SMARCA2: variants seen among roughly 807,000 people sequenced by gnomAD.
SMARCA2 encodes SWI/SNF related BAF chromatin remodeling complex subunit ATPase 2.
SMARCA2 carries 61 observed loss-of-function variants against 199.8 expected under a neutral mutation model. That is an observed-to-expected ratio of 0.31 (90% confidence interval 0.25 to 0.38). The LOEUF (loss-of-function observed/expected upper bound fraction) is 0.38. Ranked by LOEUF, SMARCA2 falls within the 10% of genes least tolerant of loss-of-function variation. SMARCA2 has a pLI of 1.00. For synonymous variants in SMARCA2, 935 were observed against 732.0 expected (o/e 1.28, Z -4.48); for missense variants, 1,344 against 2,012.2 (o/e 0.67, Z 6.35).
chr9:2,050,789 T>A (rs1196579528), intron 5 of SMARCA2, among the ~76,000 whole-genome samples: 1 of 152,196 alleles, frequency 6.6e-6, no homozygotes, highest in Non-Finnish European at 1.5e-5. Context: ...ACCAGTGTCA[T>A]TTTCTGTTCA....
chr9:2,134,755 A>G (rs1032376453), intron 27 of SMARCA2, among the ~76,000 whole-genome samples: 4 of 152,110 alleles, frequency 2.6e-5, no homozygotes, highest in Non-Finnish European at 4.4e-5. Flanking sequence ...GAAGGTTATT[A>G]TATCATGAGA....
At chr9:2,073,685 C>CCT in intron 12 of SMARCA2, 62 bp downstream of exon 12, 3 of 1,304,826 alleles carry the variant, frequency 2.3e-6, no homozygotes, top group South Asian at 1.2e-5. Context: ...AGAAATTCTT[C>CCT]CTGAATGTAA....
In SMARCA2 at chr9:2,170,799, C is replaced by A. The variant is rs1288625224; in HGVS notation, c.4253+327C>A. Among the ~76,000 whole-genome samples the A allele has an allele frequency of 1.3e-5, 2 of 152,344 alleles. No homozygotes were observed. Among genetic ancestry groups the A allele is most frequent in the Admixed American group, 6.5e-5 (1 of 15,312 alleles). On this transcript the variant is annotated intron_variant, in intron 29 of 33. Coordinates refer to ENST00000349721, the MANE Select transcript of SMARCA2 (RefSeq NM_003070.5). This position sits in a 1 kb window ranked among gnomAD's most constrained non-coding sequence, Gnocchi z 4.7. ...TTCCCCCTCCCTTCCAGCGCAGCTT[C>A]TGTTGTGTGTTCCTTGGGCCTCTTT...
chr9:2,049,073 A>AT (rs939285633), intron 5 of SMARCA2, among the ~76,000 whole-genome samples: 75 of 150,262 alleles, frequency 5.0e-4, no homozygotes, highest in African/African-American at 1.3e-3. Flanking sequence ...TAGTTAAAAC[A>AT]TTTTTTTTTT....
intron 1 of SMARCA2, among the ~76,000 whole-genome samples, chr9:2,018,469 T>C (rs1221771033): frequency 6.6e-6 from 1 of 152,252 alleles, no homozygotes; most frequent in African/African-American, 2.4e-5. Context: ...CTGGTCATTA[T>C]GTAGGCATGT....
Position 2,170,531 on chromosome 9 carries a change from A to G in SMARCA2, c.4253+59A>G. 1 of 1,612,912 alleles carries G rather than the reference A, an allele frequency of 6.2e-7. No individual in the cohort carries two copies. The highest frequency in any genetic ancestry group is 8.5e-7 in the Non-Finnish European group (1 of 1,179,338). ...ATACAGGTATCCCTCGTTACGTGAA[A>G]CAGATTGAATCATATAATCGGCCTT... On this transcript the variant is annotated intron_variant, in intron 29 of 33. Transcript: ENST00000349721. This position sits in a 1 kb window ranked among gnomAD's most constrained non-coding sequence, Gnocchi z 4.7.
In SMARCA2 at chr9:2,158,669, AC is replaced by A. The variant is rs147561322; in HGVS notation, c.3982-3011del. 4.9e-3 allele frequency: 1,611 copies of A among 329,538 alleles called. 22 individuals carry two copies. Among genetic ancestry groups the A allele is most frequent in the African/African-American group, 0.031 (1,461 of 46,688 alleles). The allele number at this position is 329,538 out of a possible 1,614,324, so 20.4% of individuals were successfully genotyped here. ...AGTTTTGGGGTTTTTTTTGTGTGTG[AC>A]CCCCCAGCCCCCAGCGCTGAGTTTG... On this transcript the variant is annotated intron_variant, in intron 27 of 33. Transcript: ENST00000349721.
chr9:2,135,414 C>A (rs989257506), intron 27 of SMARCA2, among the ~76,000 whole-genome samples: 1 of 152,202 alleles, frequency 6.6e-6, no homozygotes, highest in African/African-American at 2.4e-5. Flanking sequence ...TCTGGGCATC[C>A]CTTAGCCCAG....
chr9:2,144,860 A>T (rs111407745), intron 27 of SMARCA2, among the ~76,000 whole-genome samples: 8 of 152,308 alleles, frequency 5.3e-5, no homozygotes, highest in East Asian at 1.9e-4. Context: ...GCTGCTGAGG[A>T]CATCCAGACT....
At chr9:2,040,625 A>T (rs3793481) in intron 4 of SMARCA2, 14,739 of 152,248 alleles carry the variant, frequency 0.097, 1,134 homozygotes, top group East Asian at 0.43. Flanking sequence ...CCCAGGTGAG[A>T]TTATTTTTTA....
chr9:2,129,744 T>C (rs10811504), intron 27 of SMARCA2, among the ~76,000 whole-genome samples: 47,546 of 152,062 alleles, frequency 0.31, 12,263 homozygotes, highest in African/African-American at 0.7. Context: ...CCACTGGAGC[T>C]GTTTAGGGGC....
chr9:2,073,161 T>TGG, intron 10 of SMARCA2, 51 bp from the exon 11 acceptor site: 1 of 1,609,086 alleles, frequency 6.2e-7, no homozygotes, highest in Non-Finnish European at 8.5e-7. Flanking sequence ...AGTACAGGAC[T>TGG]GGGGGAAGGT....
chr9:2,118,149 A>T (rs1823292968), intron 25 of SMARCA2, among the ~76,000 whole-genome samples: 1 of 152,208 alleles, frequency 6.6e-6, no homozygotes, highest in African/African-American at 2.4e-5. Flanking sequence ...GGAAGAAAGT[A>T]GGCGAAGCGG....
intron 29 of SMARCA2, among the ~76,000 whole-genome samples, chr9:2,179,426 C>CTTTA (rs1263759552): frequency 6.6e-6 from 1 of 152,152 alleles, no homozygotes; most frequent in Non-Finnish European, 1.5e-5. Context: ...TCCAGTGAGC[C>CTTTA]TTTATTTTTT....
Position 2,190,079 on chromosome 9 carries a change from C to G in SMARCA2, c.4595-1187C>G, listed in dbSNP as rs537832674. The stretch of plus-strand genomic sequence containing the variant: ...AAAATGGTATTCTGTGGATACCTAT[C>G]CCAAATAGCTACCATGGAGCAGATT... On this transcript the variant is annotated intron_variant, in intron 32 of 33. Transcript: ENST00000349721. 2.0e-5 allele frequency among the ~76,000 whole-genome samples: 3 copies of G among 152,290 alleles called. No homozygotes were observed. The East Asian group carries it at 5.8e-4, about 29-fold the overall frequency.
intron 32 of SMARCA2, among the ~76,000 whole-genome samples, chr9:2,190,376 G>A (rs1827792372): frequency 1.3e-5 from 2 of 152,198 alleles, no homozygotes; most frequent in Admixed American, 6.5e-5. Context: ...CTCATCATAT[G>A]AGACTGATTA....
At chr9:2,158,105 T>A (rs766221815) in intron 27 of SMARCA2, 16 of 274,950 alleles carry the variant, frequency 5.8e-5, no homozygotes, top group Non-Finnish European at 9.6e-5. Flanking sequence ...CCCTGAGTCA[T>A]GAAAAACATT....
intron 29 of SMARCA2, among the ~76,000 whole-genome samples, chr9:2,172,450 C>T (rs1388789041): frequency 6.7e-6 from 1 of 150,082 alleles, no homozygotes; most frequent in African/African-American, 2.5e-5. Context: ...GGGGGCAGAG[C>T]TTGTGGTGGT....
intron 26 of SMARCA2, among the ~76,000 whole-genome samples, chr9:2,122,851 T>G (rs76422962): frequency 0.012 from 1,809 of 152,330 alleles, 25 homozygotes; most frequent in African/African-American, 0.042. Context: ...GGATATATAG[T>G]GGCAGTTTAT....
Sources: gnomAD v4.1 joint callset for allele counts (sites outside exome capture counted in the v4.1 genomes callset) on GRCh38, gnomAD v4.1.1 for gene constraint, Gnocchi (gnomAD v3.1) non-coding constraint, MANE v1.5 for transcripts, NCBI Gene and HGNC (gene_info 2026-07-23, HGNC 2026-07-21) for gene names.